The following CHRNA7 variants were observed in gnomAD, a reference collection of about 807,000 sequenced individuals.
The protein encoded by CHRNA7 is cholinergic receptor nicotinic alpha 7 subunit, also known as neuronal acetylcholine receptor subunit alpha-7.
CHRNA7 carries 17 observed loss-of-function variants against 48.0 expected under a neutral mutation model. That is an observed-to-expected ratio of 0.35 (90% CI 0.24 to 0.53). The LOEUF (loss-of-function observed/expected upper bound fraction) is 0.53. Among genes scored for constraint, CHRNA7 ranks in the 20% least tolerant of loss-of-function variants. CHRNA7 has a pLI of 0.92. For synonymous variants in CHRNA7, 75 were observed against 242.3 expected (o/e 0.31, Z 6.41); for missense variants, 155 against 577.7 (o/e 0.27, Z 7.50).
chr15:32,096,186 C>T (rs767266732), intron 2 of CHRNA7, among the ~76,000 whole-genome samples: 6 of 152,132 alleles, frequency 3.9e-5, no homozygotes, highest in Admixed American at 1.3e-4. Context: ...GCGTTGTTTG[C>T]GTGTGCATGT....
chr15:32,109,980 CCAT>C (rs754046243), intron 3 of CHRNA7, among the ~76,000 whole-genome samples: 2 of 152,164 alleles, frequency 1.3e-5, no homozygotes, highest in Non-Finnish European at 2.9e-5. Flanking sequence ...CCCTCTCTGG[CCAT>C]CATTCAGCAG....
At chr15:32,087,609 T>A (rs1194486291) in intron 2 of CHRNA7, among the ~76,000 whole-genome samples, 1 of 152,234 alleles carries the variant, frequency 6.6e-6, no homozygotes, top group Non-Finnish European at 1.5e-5. Context: ...TATGTATCCT[T>A]ATTAAGCTAA....
chr15:32,165,708 T>TA (rs1237839547), intron 9 of CHRNA7: 251 of 150,018 alleles, frequency 1.7e-3, no homozygotes, highest in African/African-American at 5.7e-3. Flanking sequence ...ATGAAGAAGA[T>TA]ACTGCCGGGT....
intron 4 of CHRNA7, among the ~76,000 whole-genome samples, chr15:32,147,344 G>A (rs1416287166): frequency 1.3e-5 from 2 of 152,152 alleles, no homozygotes; most frequent in Non-Finnish European, 2.9e-5. Flanking sequence ...CTTCTGCATC[G>A]CATGCGATAT....
At chr15:32,092,754 C>T (rs921949578) in intron 2 of CHRNA7, among the ~76,000 whole-genome samples, 7 of 152,188 alleles carry the variant, frequency 4.6e-5, no homozygotes, top group African/African-American at 1.4e-4. Context: ...CTAAATCCTG[C>T]TCCTAACTTC....
chr15:32,104,344 TC>T (rs2050625305), intron 3 of CHRNA7, among the ~76,000 whole-genome samples: 3 of 152,130 alleles, frequency 2.0e-5, no homozygotes, highest in Admixed American at 1.3e-4. Flanking sequence ...CCACTTGATT[TC>T]CCCCTTACTT....
intron 2 of CHRNA7, among the ~76,000 whole-genome samples, chr15:32,081,198 T>C (rs2050210235): frequency 6.6e-6 from 1 of 152,088 alleles, no homozygotes; most frequent in Non-Finnish European, 1.5e-5. Flanking sequence ...CTGGGATTAA[T>C]ACCTAGGTGA....
At chr15:32,136,215 G>C (rs1038584711) in intron 4 of CHRNA7, among the ~76,000 whole-genome samples, 2 of 152,198 alleles carry the variant, frequency 1.3e-5, no homozygotes, top group African/African-American at 4.8e-5. Context: ...GTGGGACAGG[G>C]CGCAGGGGCT....
rs375084573 is a variant in CHRNA7, at chr15:32,152,979, GA to G, written c.351-927del. Among the ~76,000 whole-genome samples the G allele has an allele frequency of 4.3e-4, 65 of 152,248 alleles. No homozygotes were observed. The East Asian group carries it at 0.012, about 27-fold the overall frequency. ...GCAGGAGGCTGGAACAGGGGACGGA[GA>G]GGGGCAGTGGTGCATCCGTCTAAAA... On this transcript the variant is annotated intron_variant, in intron 4 of 9. Coordinates refer to ENST00000306901, the MANE Select transcript of CHRNA7 (RefSeq NM_000746.6).
chr15:32,128,172 C>G (rs1450598859), intron 4 of CHRNA7, among the ~76,000 whole-genome samples: 1 of 151,946 alleles, frequency 6.6e-6, no homozygotes, highest in Non-Finnish European at 1.5e-5. Context: ...ATATCTCTTC[C>G]TCTATTATAG....
At chr15:32,068,826 T>C (rs913714703) in intron 2 of CHRNA7, among the ~76,000 whole-genome samples, 3 of 151,896 alleles carry the variant, frequency 2.0e-5, no homozygotes, top group South Asian at 2.1e-4. Flanking sequence ...TAAATACATA[T>C]GACGTATCAA....
intron 2 of CHRNA7, among the ~76,000 whole-genome samples, chr15:32,057,207 G>A (rs1377066141): frequency 6.6e-6 from 1 of 152,204 alleles, no homozygotes; most frequent in Non-Finnish European, 1.5e-5. Flanking sequence ...GGAACTCAAA[G>A]ATGGGAGATA....
chr15:32,038,300 T>C (rs1333978817), intron 2 of CHRNA7, among the ~76,000 whole-genome samples: 1 of 151,578 alleles, frequency 6.6e-6, no homozygotes, highest in Admixed American at 6.6e-5. Context: ...ATTTATCAAG[T>C]TGAGGAAGTT....
chr15:32,031,681 C>T (rs192286269), intron 2 of CHRNA7, among the ~76,000 whole-genome samples: 1 of 152,344 alleles, frequency 6.6e-6, no homozygotes, highest in South Asian at 2.1e-4. Flanking sequence ...CCATCAGTTC[C>T]GTGGGTCTCT....
At chr15:32,108,541 A>T (rs1389741551) in intron 3 of CHRNA7, among the ~76,000 whole-genome samples, 1 of 152,128 alleles carries the variant, frequency 6.6e-6, no homozygotes, top group Non-Finnish European at 1.5e-5. Flanking sequence ...GCCTTATTCC[A>T]TATCCATTCT....
chr15:32,151,406 A>G (rs1278487719), intron 4 of CHRNA7, among the ~76,000 whole-genome samples: 2 of 152,160 alleles, frequency 1.3e-5, no homozygotes, highest in African/African-American at 4.8e-5. Context: ...GACCAAGGAA[A>G]TATATGTTGG....
rs34745768 is a variant in CHRNA7, at chr15:32,115,990, C to CT, written c.350+4092dup. ...AAAAATAGTCTTCACTACTAATATC[C>CT]TAACCCTCTGATATTCTGTTATTGG... is the stretch of plus-strand genomic sequence containing the variant. On this transcript the variant is annotated intron_variant, in intron 4 of 9. Coordinates refer to ENST00000306901, the MANE Select transcript of CHRNA7 (RefSeq NM_000746.6). Among the ~76,000 whole-genome samples the CT allele has an allele frequency of 3.8e-3, 579 of 152,302 alleles. 3 individuals are homozygous for CT. The highest frequency in any genetic ancestry group is 0.012 in the African/African-American group (509 of 41,566).
intron 4 of CHRNA7, among the ~76,000 whole-genome samples, chr15:32,119,689 C>A (rs1275329793): frequency 6.6e-6 from 1 of 152,088 alleles, no homozygotes; most frequent in Non-Finnish European, 1.5e-5. Flanking sequence ...TGATTCCCAT[C>A]AGGTGATTTT....
intron 2 of CHRNA7, among the ~76,000 whole-genome samples, chr15:32,060,619 G>C (rs1334521453): frequency 6.6e-6 from 1 of 152,120 alleles, no homozygotes; most frequent in Admixed American, 6.5e-5. Context: ...AATCTTATCC[G>C]TAATCACCAT....
Sources: allele counts gnomAD v4.1 joint callset (sites outside exome capture counted in the v4.1 genomes callset), GRCh38; gene constraint gnomAD v4.1.1; transcripts MANE v1.5; gene names NCBI Gene and HGNC (gene_info 2026-07-23, HGNC 2026-07-21).